ASPRV1: variants seen among roughly 807,000 people sequenced by gnomAD.
The protein encoded by ASPRV1 is aspartic peptidase retroviral like 1.
Under a neutral mutation model 11.0 loss-of-function variants are expected in ASPRV1, and 7 were observed. The observed-to-expected ratio is 0.64, with a 90% confidence interval of 0.36 to 1.20. The LOEUF (loss-of-function observed/expected upper bound fraction) is 1.20, where lower values mean the gene tolerates loss of function less well. Among genes scored for constraint, ASPRV1 ranks in the 50% most tolerant of loss-of-function variants. The probability of loss-of-function intolerance (pLI) is 0.02; values close to 1 mark genes in which losing one functional copy is unlikely to be tolerated. For synonymous variants in ASPRV1, 136 were observed against 138.4 expected (o/e 0.98, Z 0.12); for missense variants, 299 against 320.0 (o/e 0.93, Z 0.50).
the ASPRV1 span, chr2:70,081,550 T>C: frequency 6.6e-6 from 1 of 151,786 alleles, no homozygotes; most frequent in African/African-American, 2.4e-5. Flanking sequence ...ACCTAGAAAG[T>C]AACAGGGGAA....
At chr2:69,956,513 G>A (rs1468318552), downstream of ASPRV1, among the ~76,000 whole-genome samples, 3 of 131,002 alleles carry the variant, frequency 2.3e-5, no homozygotes, top group African/African-American at 3.3e-5. Context: ...GAGGAGGAGG[G>A]GAGGAGGAGG....
the ASPRV1 span, among the ~76,000 whole-genome samples, chr2:69,945,310 G>C: frequency 6.6e-6 from 1 of 152,178 alleles, no homozygotes; most frequent in African/African-American, 2.4e-5. Context: ...ATAAAAGTTG[G>C]AATTATTTTA....
the ASPRV1 span, among the ~76,000 whole-genome samples, chr2:69,954,870 C>G: frequency 6.6e-6 from 1 of 152,132 alleles, no homozygotes; most frequent in Non-Finnish European, 1.5e-5. Context: ...CACGTCCTTC[C>G]TAGTGCAGGG....
the ASPRV1 span, among the ~76,000 whole-genome samples, chr2:70,041,215 G>C: frequency 6.6e-6 from 1 of 152,162 alleles, no homozygotes; most frequent in South Asian, 2.1e-4. Context: ...CGACAATAAA[G>C]ACACATACAT....
chr2:69,943,852 G>A, the ASPRV1 span, among the ~76,000 whole-genome samples: 16,860 of 152,098 alleles, frequency 0.11, 2,253 homozygotes, highest in African/African-American at 0.29. Flanking sequence ...GCACTTTTTC[G>A]GAGTCAAGAG....
At chr2:70,043,992 ATC>A in the ASPRV1 span, among the ~76,000 whole-genome samples, 1 of 151,970 alleles carries the variant, frequency 6.6e-6, no homozygotes, top group Non-Finnish European at 1.5e-5. Flanking sequence ...GAGACCCAGC[ATC>A]TCTCTTCAAG....
At chr2:70,004,528 C>CAAAAAA in the ASPRV1 span, among the ~76,000 whole-genome samples, 12 of 54,564 alleles carry the variant, frequency 2.2e-4, no homozygotes, top group Non-Finnish European at 4.0e-4. Flanking sequence ...AACTCCATCT[C>CAAAAAA]AAAAAAAAAA....
chr2:70,052,531 C>T, the ASPRV1 span, among the ~76,000 whole-genome samples: 1 of 152,088 alleles, frequency 6.6e-6, no homozygotes, highest in East Asian at 1.9e-4. Context: ...GTATAAGCAG[C>T]GTATCTGTTC....
At chr2:70,051,733 G>C in the ASPRV1 span, among the ~76,000 whole-genome samples, 1 of 152,102 alleles carries the variant, frequency 6.6e-6, no homozygotes, top group Non-Finnish European at 1.5e-5. Flanking sequence ...CAGCACTTTG[G>C]GAGGCTGAGG....
At chr2:70,051,519 T>C in the ASPRV1 span, among the ~76,000 whole-genome samples, 4 of 152,214 alleles carry the variant, frequency 2.6e-5, no homozygotes, top group African/African-American at 4.8e-5. Flanking sequence ...GATGTATATA[T>C]CAAGTGTTTA....
downstream of ASPRV1, among the ~76,000 whole-genome samples, chr2:69,957,764 G>A (rs1677972658): frequency 6.6e-6 from 1 of 152,058 alleles, no homozygotes; most frequent in African/African-American, 2.4e-5. Flanking sequence ...TTTAGACCAT[G>A]GGTTCCCAAG....
At chr2:70,064,943 A>C in the ASPRV1 span, among the ~76,000 whole-genome samples, 1 of 151,774 alleles carries the variant, frequency 6.6e-6, no homozygotes, top group Non-Finnish European at 1.5e-5. Flanking sequence ...AAAATACAAA[A>C]CTTAAGCCAG....
chr2:70,003,552 T>C, the ASPRV1 span, among the ~76,000 whole-genome samples: 142 of 152,324 alleles, frequency 9.3e-4, no homozygotes, highest in Non-Finnish European at 1.8e-3. Context: ...CCTTCCCAGG[T>C]GCTTTAGAAG....
the ASPRV1 span, among the ~76,000 whole-genome samples, chr2:69,954,915 A>AGC: frequency 6.6e-6 from 1 of 152,178 alleles, no homozygotes; most frequent in African/African-American, 2.4e-5. Flanking sequence ...AGACAGGAAG[A>AGC]GCACCACATG....
chr2:69,945,420 G>T, the ASPRV1 span, among the ~76,000 whole-genome samples: 3 of 152,240 alleles, frequency 2.0e-5, no homozygotes, highest in South Asian at 6.2e-4. Flanking sequence ...GCCCAAACTG[G>T]GTGGCGAGGC....
chr2:70,064,301 C>T, the ASPRV1 span, among the ~76,000 whole-genome samples: 1 of 152,108 alleles, frequency 6.6e-6, no homozygotes. Flanking sequence ...AATACTCTAT[C>T]CCCCTCCCTA....
chr2:69,961,750 A>ACTTG (rs1678127328), upstream of ASPRV1: 7 of 1,495,068 alleles, frequency 4.7e-6, no homozygotes, highest in African/African-American at 1.4e-5. Flanking sequence ...ATCCGGCCGG[A>ACTTG]CTAGCAGGAT....
chr2:70,045,911 G>C, the ASPRV1 span: 1 of 152,212 alleles, frequency 6.6e-6, no homozygotes, highest in South Asian at 2.1e-4. Context: ...AATAGAGCGA[G>C]ACTCTAAAAA....
At chr2:70,028,321 T>C in the ASPRV1 span, 2 of 152,162 alleles carry the variant, frequency 1.3e-5, no homozygotes, top group African/African-American at 2.4e-5. Flanking sequence ...AATTGATTCA[T>C]TTCAGGTCTC....
Sources: allele counts gnomAD v4.1 joint callset (sites outside exome capture counted in the v4.1 genomes callset), GRCh38; gene constraint gnomAD v4.1.1; transcripts MANE v1.5; gene names NCBI Gene and HGNC (gene_info 2026-07-23, HGNC 2026-07-21).